Variants in THSD7B observed in about 807,000 individuals in gnomAD.
THSD7B encodes thrombospondin type-1 domain-containing protein 7B.
In THSD7B, 138 loss-of-function variants were observed where a neutral mutation model predicts 213.6. The observed-to-expected ratio is 0.65, with a 90% CI of 0.56 to 0.74. The LOEUF is 0.74. Ranked by LOEUF, THSD7B falls within the 30% of genes least tolerant of loss-of-function variation. The pLI is 0.00. For missense variants in THSD7B, 1,931 were observed against 1,991.5 expected, an observed-to-expected ratio of 0.97 and a Z score of 0.58; for synonymous variants, 742 against 687.0, an observed-to-expected ratio of 1.08 and a Z score of -1.25.
At chr2:136,834,734 T>C (rs778189) in intron 1 of THSD7B, among the ~76,000 whole-genome samples, 44,577 of 152,026 alleles carry the variant, frequency 0.29, 6,968 homozygotes, top group Non-Finnish European at 0.35. Context: ...ATAGTAGTAA[T>C]TGCAGTAGAG....
intron 14 of THSD7B, among the ~76,000 whole-genome samples, chr2:137,445,974 G>T (rs1687528051): frequency 6.6e-6 from 1 of 151,348 alleles, no homozygotes; most frequent in African/African-American, 2.4e-5. Flanking sequence ...ATCACAACAT[G>T]CTATTTTAAC....
intron 2 of THSD7B, among the ~76,000 whole-genome samples, chr2:136,883,125 C>T (rs538924587): frequency 1.8e-3 from 269 of 152,096 alleles, no homozygotes; most frequent in Middle Eastern, 6.8e-3. Flanking sequence ...CTTTCAAATA[C>T]TGATAACTTA....
chr2:136,965,213 C>A (rs1685294072), intron 2 of THSD7B, among the ~76,000 whole-genome samples: 1 of 152,148 alleles, frequency 6.6e-6, no homozygotes, highest in Admixed American at 6.5e-5. Context: ...GGCTTCTACA[C>A]TTGGTTTTCA....
chr2:137,586,322 T>G (rs1404312724), intron 17 of THSD7B, among the ~76,000 whole-genome samples: 2 of 152,208 alleles, frequency 1.3e-5, no homozygotes, highest in African/African-American at 4.8e-5. Context: ...ACTGGAGTAT[T>G]TAGCCCATTT....
At chr2:136,864,103 C>T (rs968468193) in intron 1 of THSD7B, among the ~76,000 whole-genome samples, 6 of 152,236 alleles carry the variant, frequency 3.9e-5, no homozygotes, top group East Asian at 3.9e-4. Context: ...TTTATTTTGC[C>T]GCAGATTATT....
intron 2 of THSD7B, among the ~76,000 whole-genome samples, chr2:136,929,398 A>G (rs1684593161): frequency 1.3e-5 from 2 of 152,208 alleles, no homozygotes; most frequent in African/African-American, 2.4e-5. Flanking sequence ...ATCAATCAAT[A>G]GTATTAAAGT....
intron 2 of THSD7B, among the ~76,000 whole-genome samples, chr2:137,009,245 A>G (rs1291841437): frequency 6.6e-6 from 1 of 152,168 alleles, no homozygotes; most frequent in Non-Finnish European, 1.5e-5. Context: ...CTTATCATAT[A>G]CTATTGTCGT....
intron 2 of THSD7B, among the ~76,000 whole-genome samples, chr2:136,982,355 G>A (rs561743515): frequency 6.6e-6 from 1 of 151,400 alleles, no homozygotes; most frequent in African/African-American, 2.4e-5. Context: ...AATAGCGACA[G>A]GGTCTCCTTA....
intron 7 of THSD7B, among the ~76,000 whole-genome samples, chr2:137,183,022 A>C (rs11894443): frequency 0.069 from 10,516 of 152,200 alleles, 391 homozygotes; most frequent in African/African-American, 0.094. Context: ...TTTGTGTAAA[A>C]AAACTTACTT....
At chr2:137,252,533 G>A (rs1179961631) in intron 10 of THSD7B, among the ~76,000 whole-genome samples, 1 of 152,054 alleles carries the variant, frequency 6.6e-6, no homozygotes, top group Non-Finnish European at 1.5e-5. Flanking sequence ...AACTCCTTTT[G>A]CTGTCCTTCT....
At chr2:136,879,966 C>T (rs1441204871) in intron 1 of THSD7B, among the ~76,000 whole-genome samples, 1 of 152,124 alleles carries the variant, frequency 6.6e-6, no homozygotes, top group Non-Finnish European at 1.5e-5. Flanking sequence ...ATTCATAAAG[C>T]AAGCCCTTAG....
chr2:137,632,021 A>G (rs1682751070), intron 20 of THSD7B, among the ~76,000 whole-genome samples: 1 of 152,182 alleles, frequency 6.6e-6, no homozygotes, highest in African/African-American at 2.4e-5. Context: ...CGATGTAATG[A>G]TAGGCACTGA....
At chr2:137,218,324 A>G (rs1410869243) in intron 7 of THSD7B, among the ~76,000 whole-genome samples, 1 of 152,166 alleles carries the variant, frequency 6.6e-6, no homozygotes, top group Non-Finnish European at 1.5e-5. Context: ...TGACAATGAT[A>G]TAAAGTGATG....
At chr2:136,875,524 T>C (rs2104985402) in intron 1 of THSD7B, among the ~76,000 whole-genome samples, 1 of 152,330 alleles carries the variant, frequency 6.6e-6, no homozygotes, top group East Asian at 1.9e-4. Context: ...ATTGAGATTC[T>C]TTTAATCATT....
chr2:136,847,085 T>C (rs2104960323), intron 1 of THSD7B, among the ~76,000 whole-genome samples: 1 of 152,316 alleles, frequency 6.6e-6, no homozygotes, highest in South Asian at 2.1e-4. Flanking sequence ...AGATGCCTTG[T>C]GAACACATCT....
At chr2:137,324,233 T>A (rs566518683) in intron 12 of THSD7B, among the ~76,000 whole-genome samples, 1 of 152,318 alleles carries the variant, frequency 6.6e-6, no homozygotes, top group East Asian at 1.9e-4. Context: ...AAGTTCTTTA[T>A]CATATGCAGC....
At chr2:137,234,621 C>G (rs1681724445) in intron 9 of THSD7B, among the ~76,000 whole-genome samples, 1 of 152,136 alleles carries the variant, frequency 6.6e-6, no homozygotes, top group Non-Finnish European at 1.5e-5. Flanking sequence ...TCCCAGAGTG[C>G]TGGGATTGGG....
chr2:137,384,519 G>A (rs1454477705), intron 12 of THSD7B, among the ~76,000 whole-genome samples: 2 of 152,148 alleles, frequency 1.3e-5, no homozygotes, highest in Non-Finnish European at 1.5e-5. Flanking sequence ...CTGGGGTAGG[G>A]AAAGGAAGTA....
chr2:137,456,470 A>G (rs74419997), intron 15 of THSD7B, among the ~76,000 whole-genome samples: 72 of 152,314 alleles, frequency 4.7e-4, no homozygotes, highest in South Asian at 8.3e-4. Flanking sequence ...ATTTGGTTTT[A>G]TCAGTGTTGG....
Sources: allele counts gnomAD v4.1 joint callset (sites outside exome capture counted in the v4.1 genomes callset), GRCh38; gene constraint gnomAD v4.1.1; transcripts MANE v1.5; gene names NCBI Gene and HGNC (gene_info 2026-07-23, HGNC 2026-07-21).